PELI2: variants seen among roughly 807,000 people sequenced by gnomAD.
The protein encoded by PELI2 is pellino E3 ubiquitin protein ligase family member 2, also known as E3 ubiquitin-protein ligase pellino homolog 2.
PELI2 carries 23 observed loss-of-function variants against 42.3 expected under a neutral mutation model. The observed-to-expected ratio is 0.54, with a 90% confidence interval of 0.39 to 0.77. The LOEUF (loss-of-function observed/expected upper bound fraction) is 0.77, where lower values mean the gene tolerates loss of function less well. Ranked by LOEUF, PELI2 falls within the 30% of genes least tolerant of loss-of-function variation. The pLI is 0.00. For missense variants in PELI2, 463 were observed against 553.2 expected, an observed-to-expected ratio of 0.84 and a Z score of 1.64; for synonymous variants, 245 against 212.2, an observed-to-expected ratio of 1.15 and a Z score of -1.34.
chr14:56,301,032 C>T lies in PELI2; in HGVS notation c.*3866C>T, dbSNP rs1890156570. 1.3e-5 allele frequency: 2 copies of T among 152,072 alleles called. No individual in the cohort carries two copies. Among genetic ancestry groups the T allele is most frequent in the Non-Finnish European group, 2.9e-5 (2 of 67,956 alleles). 9.4% of individuals were successfully genotyped at this position (152,072 alleles called of 1,614,324 possible). ...TTTTGCTTGACAGTTTCTAAACAAACAAAAATAAACTCAATGAAAGGAAAG... is the reference window on the plus strand; with the variant it reads ...TTTTGCTTGACAGTTTCTAAACAAATAAAAATAAACTCAATGAAAGGAAAG... On this transcript the variant is annotated 3_prime_UTR_variant, in exon 6 of 6. Coordinates refer to ENST00000267460, the MANE Select transcript of PELI2 (RefSeq NM_021255.3).
At position 56,273,957 on chromosome 14, in the gene PELI2, C is replaced by A. The variant is rs1440651084; in HGVS notation, c.208-5719C>A. 6.6e-6 allele frequency among the ~76,000 whole-genome samples: 1 copy of A among 152,164 alleles called. No individual in the cohort carries two copies. The highest frequency in any genetic ancestry group is 1.5e-5 in the Non-Finnish European group (1 of 68,024). On this transcript the variant is annotated intron_variant, in intron 2 of 5. Coordinates refer to ENST00000267460, the MANE Select transcript of PELI2 (RefSeq NM_021255.3). This position sits in a 1 kb window ranked among gnomAD's most constrained non-coding sequence, Gnocchi z 4.3. ...CCAACTTCTGTGAGAGTCTTTTGAC[C>A]TTCCTCTCACGTTGCAAGGTGGTCT...
At chr14:56,119,741 C>T in intron 1 of PELI2, 1 of 974,482 alleles carries the variant, frequency 1.0e-6, no homozygotes, top group Non-Finnish European at 1.2e-6. Context: ...GGGGAAGGAA[C>T]AACTTGGGTT....
chr14:56,172,187 C>T (rs948287635), intron 1 of PELI2, among the ~76,000 whole-genome samples: 1 of 152,076 alleles, frequency 6.6e-6, no homozygotes, highest in Non-Finnish European at 1.5e-5. Context: ...GCAGTTCTGC[C>T]CCATATGGTA....
At chr14:56,261,438 A>T (rs142017492) in intron 2 of PELI2, among the ~76,000 whole-genome samples, 1 of 152,134 alleles carries the variant, frequency 6.6e-6, no homozygotes, top group Non-Finnish European at 1.5e-5. Context: ...ACAGGATTTG[A>T]TGGGTGACTG....
chr14:56,267,759 G>A (rs1888959039), intron 2 of PELI2, among the ~76,000 whole-genome samples: 1 of 152,108 alleles, frequency 6.6e-6, no homozygotes, highest in Non-Finnish European at 1.5e-5. Context: ...CAAGTAAAAT[G>A]AGGGAAAAAT....
chr14:56,194,093 A>G (rs748296775), intron 2 of PELI2, among the ~76,000 whole-genome samples: 3 of 152,200 alleles, frequency 2.0e-5, no homozygotes, highest in Non-Finnish European at 4.4e-5. Context: ...TCTGAACTTT[A>G]TGGACTTGTA....
At chr14:56,154,716 C>T (rs890506465) in intron 1 of PELI2, among the ~76,000 whole-genome samples, 3 of 151,594 alleles carry the variant, frequency 2.0e-5, no homozygotes, top group African/African-American at 7.2e-5. Flanking sequence ...TAATTAACAT[C>T]TTTGTACATA....
At chr14:56,252,266 A>G (rs1876679160) in intron 2 of PELI2, among the ~76,000 whole-genome samples, 1 of 152,108 alleles carries the variant, frequency 6.6e-6, no homozygotes, top group Non-Finnish European at 1.5e-5. Flanking sequence ...ATGGTAGCAC[A>G]CTCCTGTTTT....
In PELI2 at chr14:56,178,463, A is replaced by G. The variant is rs143745323; in HGVS notation, c.206A>G (p.Lys69Arg). The change falls in exon 2 of 6, where the codon AAG becomes AGG. Residue 69 changes from lysine to arginine, a missense_variant and splice_region_variant. Lys to Arg is a conservative substitution (Grantham distance 26). Transcript: ENST00000267460. ...VHVISTPQAS[K>R]AISCKGQHSI... ...GTGATATCCACGCCCCAGGCATCCAAGGTAGGTGGGTCTGTCAAGAGTTGG... is the reference window on the plus strand; with the variant it reads ...GTGATATCCACGCCCCAGGCATCCAGGGTAGGTGGGTCTGTCAAGAGTTGG... The G allele has an allele frequency of 9.0e-5, 146 of 1,614,126 alleles. No individual in the cohort carries two copies. In the African/African-American group the frequency reaches 1.4e-3, roughly 15 times the overall value.
At chr14:56,188,062 G>A (rs1219750529) in intron 2 of PELI2, among the ~76,000 whole-genome samples, 2 of 152,136 alleles carry the variant, frequency 1.3e-5, no homozygotes, top group African/African-American at 2.4e-5. Flanking sequence ...CTCCTTGGAC[G>A]TCTCCCCTCA....
intron 2 of PELI2, among the ~76,000 whole-genome samples, chr14:56,256,164 A>C (rs964769076): frequency 6.6e-6 from 1 of 152,182 alleles, no homozygotes; most frequent in East Asian, 1.9e-4. Flanking sequence ...GCAGTGGCTC[A>C]TGCCTGTAAT....
chr14:56,255,438 A>G, intron 2 of PELI2, among the ~76,000 whole-genome samples: 1 of 152,050 alleles, frequency 6.6e-6, no homozygotes. Context: ...TTGAACATTG[A>G]GAATGCATGG....
intron 2 of PELI2, among the ~76,000 whole-genome samples, chr14:56,227,201 G>T (rs141781971): frequency 1.3e-5 from 2 of 152,192 alleles, no homozygotes; most frequent in Non-Finnish European, 2.9e-5. Context: ...GGGGAGCGGG[G>T]CACTGGGCCA....
At chr14:56,229,150 A>T (rs745741015) in intron 2 of PELI2, among the ~76,000 whole-genome samples, 1 of 152,118 alleles carries the variant, frequency 6.6e-6, no homozygotes, top group South Asian at 2.1e-4. Flanking sequence ...GTCTCTGTAG[A>T]CTCCACCTGT....
At chr14:56,280,114 A>G (rs1033708297) in intron 3 of PELI2, among the ~76,000 whole-genome samples, 23 of 152,174 alleles carry the variant, frequency 1.5e-4, no homozygotes, top group Non-Finnish European at 7.4e-5. Flanking sequence ...TCCAAACTAC[A>G]TTTATAGGTC....
intron 1 of PELI2, among the ~76,000 whole-genome samples, chr14:56,142,993 A>G (rs1484880302): frequency 1.3e-5 from 2 of 152,202 alleles, no homozygotes; most frequent in Non-Finnish European, 2.9e-5. Flanking sequence ...CAGTGGTACA[A>G]TATTATTGCT....
intron 2 of PELI2, among the ~76,000 whole-genome samples, chr14:56,249,866 G>A (rs190738465): frequency 3.9e-5 from 6 of 152,322 alleles, no homozygotes; most frequent in South Asian, 2.1e-4. Flanking sequence ...CCTAGCATGC[G>A]TCATGCGAAT....
intron 2 of PELI2, among the ~76,000 whole-genome samples, chr14:56,244,871 C>A (rs2139802045): frequency 6.6e-6 from 1 of 152,278 alleles, no homozygotes; most frequent in East Asian, 1.9e-4. Flanking sequence ...TTTCTCTTTT[C>A]AGACTGAATC....
chr14:56,128,044 G>A (rs888190089), intron 1 of PELI2, among the ~76,000 whole-genome samples: 1 of 152,138 alleles, frequency 6.6e-6, no homozygotes, highest in African/African-American at 2.4e-5. Context: ...CATTGATCCT[G>A]CACATGGACC....
Sources: allele counts gnomAD v4.1 joint callset (sites outside exome capture counted in the v4.1 genomes callset), GRCh38; gene constraint gnomAD v4.1.1; non-coding constraint Gnocchi (gnomAD v3.1); transcripts MANE v1.5; gene names NCBI Gene and HGNC (gene_info 2026-07-23, HGNC 2026-07-21).